The following BEND7 variants were observed in gnomAD, a reference collection of about 807,000 sequenced individuals.
BEND7 encodes the protein BEN domain-containing protein 7.
A neutral mutation model predicts 50.9 loss-of-function variants in BEND7; 28 were observed. That is an observed-to-expected ratio of 0.55 (90% CI 0.41 to 0.75). The LOEUF (loss-of-function observed/expected upper bound fraction) is 0.75. Ranked by LOEUF, BEND7 falls within the 30% of genes least tolerant of loss-of-function variation. The pLI, the probability that BEND7 is intolerant of heterozygous loss-of-function variation, is 0.00. For missense variants in BEND7, 477 were observed against 491.3 expected, an observed-to-expected ratio of 0.97 and a Z score of 0.28; for synonymous variants, 170 against 183.9, an observed-to-expected ratio of 0.92 and a Z score of 0.61.
intron 7 of BEND7, among the ~76,000 whole-genome samples, chr10:13,450,897 T>C (rs1403314942): frequency 6.6e-6 from 1 of 151,918 alleles, no homozygotes; most frequent in Non-Finnish European, 1.5e-5. Context: ...TTAGGGGATG[T>C]GTTCCCTGGC....
intron 7 of BEND7, among the ~76,000 whole-genome samples, chr10:13,449,158 T>C (rs963085184): frequency 3.3e-5 from 5 of 152,188 alleles, no homozygotes; most frequent in African/African-American, 1.2e-4. Flanking sequence ...TTTTGTTCTA[T>C]GGCTTTTAGA....
At chr10:13,508,537 A>G (rs987983831) in intron 2 of BEND7, among the ~76,000 whole-genome samples, 1 of 152,214 alleles carries the variant, frequency 6.6e-6, no homozygotes, top group African/African-American at 2.4e-5. Context: ...TGAATCAAAT[A>G]CCATGAAAAG....
At chr10:13,499,678 T>C (rs896707304) in intron 3 of BEND7, 100 bp downstream of exon 3, 20 of 1,326,802 alleles carry the variant, frequency 1.5e-5, no homozygotes, top group Admixed American at 2.5e-5. Flanking sequence ...CAGGTAATTA[T>C]GGGAGGGTTT....
chr10:13,447,241 G>A, intron 8 of BEND7, 25 bp downstream of exon 8: 1 of 1,613,028 alleles, frequency 6.2e-7, no homozygotes, highest in South Asian at 1.1e-5. Context: ...AGGAGGTGAT[G>A]AAAATGTAAA....
intron 8 of BEND7, chr10:13,446,204 A>C (rs1046561970): frequency 2.6e-5 from 4 of 152,162 alleles, no homozygotes; most frequent in African/African-American, 9.7e-5. Context: ...TTGCTTAGCT[A>C]CTCAGTGGCA....
intron 8 of BEND7, chr10:13,444,381 T>C (rs1390999221): frequency 2.0e-5 from 3 of 152,222 alleles, no homozygotes; most frequent in African/African-American, 7.2e-5. Flanking sequence ...CCTGTAACCC[T>C]ACCCTAGTCA....
chr10:13,514,130 C>T (rs1307695791), intron 2 of BEND7, among the ~76,000 whole-genome samples: 1 of 152,200 alleles, frequency 6.6e-6, no homozygotes, highest in African/African-American at 2.4e-5. Flanking sequence ...TTCCCCAGGC[C>T]TGGGAGGGCT....
At chr10:13,503,794 A>G (rs2077660358) in intron 2 of BEND7, among the ~76,000 whole-genome samples, 1 of 152,208 alleles carries the variant, frequency 6.6e-6, no homozygotes, top group Non-Finnish European at 1.5e-5. Flanking sequence ...CTGTGCTGAG[A>G]GGAGAGCTGA....
chr10:13,456,146 A>T (rs1838911895), intron 6 of BEND7, among the ~76,000 whole-genome samples: 1 of 152,106 alleles, frequency 6.6e-6, no homozygotes, highest in Non-Finnish European at 1.5e-5. Flanking sequence ...TCACCCCCCA[A>T]ATCTAGGAAG....
chr10:13,485,087 G>A (rs558454478), intron 5 of BEND7, among the ~76,000 whole-genome samples: 49 of 152,124 alleles, frequency 3.2e-4, no homozygotes, highest in African/African-American at 9.2e-4. Context: ...ATGAAGATGC[G>A]CCTTCCCCAC....
chr10:13,495,899 G>A (rs2076987151), intron 4 of BEND7, among the ~76,000 whole-genome samples: 1 of 152,176 alleles, frequency 6.6e-6, no homozygotes, highest in South Asian at 2.1e-4. Context: ...AGATCAAGTG[G>A]TGATGTCCCT....
chr10:13,475,444 A>C (rs552995599), intron 6 of BEND7, among the ~76,000 whole-genome samples: 1 of 152,320 alleles, frequency 6.6e-6, no homozygotes, highest in Admixed American at 6.5e-5. Flanking sequence ...GTTTACTCCC[A>C]AACTCTTTCC....
At chr10:13,514,620 G>A (rs1188126308) in intron 2 of BEND7, among the ~76,000 whole-genome samples, 3 of 152,168 alleles carry the variant, frequency 2.0e-5, no homozygotes, top group Non-Finnish European at 2.9e-5. Flanking sequence ...CTGCTCTACC[G>A]TGTGCCGGCA....
intron 2 of BEND7, among the ~76,000 whole-genome samples, chr10:13,521,630 G>A (rs572214798): frequency 4.6e-5 from 7 of 152,322 alleles, no homozygotes; most frequent in Non-Finnish European, 1.0e-4. Flanking sequence ...CTGGGATTTT[G>A]GGGTTCCACT....
chr10:13,493,328 C>A (rs1009692519), intron 4 of BEND7, among the ~76,000 whole-genome samples: 2 of 152,170 alleles, frequency 1.3e-5, no homozygotes, highest in African/African-American at 4.8e-5. Flanking sequence ...GGTGCCAAAA[C>A]TGATAAAGAT....
chr10:13,483,520 T>C (rs2076010734), intron 5 of BEND7, among the ~76,000 whole-genome samples: 1 of 152,212 alleles, frequency 6.6e-6, no homozygotes, highest in African/African-American at 2.4e-5. Flanking sequence ...CTGGTGTTGA[T>C]TCACAGATCT....
At chr10:13,453,336 A>G (rs1838210509) in intron 6 of BEND7, among the ~76,000 whole-genome samples, 1 of 152,104 alleles carries the variant, frequency 6.6e-6, no homozygotes, top group Non-Finnish European at 1.5e-5. Context: ...CACCTCACAC[A>G]CACTCCTGAG....
At chr10:13,480,638 A>G in intron 6 of BEND7, 5 of 984,678 alleles carry the variant, frequency 5.1e-6, no homozygotes, top group Non-Finnish European at 6.0e-6. Context: ...TCAAGAAAAA[A>G]CTTCTTTTTG....
chr10:13,461,650 T>C (rs1272483181), intron 6 of BEND7, among the ~76,000 whole-genome samples: 1 of 151,952 alleles, frequency 6.6e-6, no homozygotes, highest in East Asian at 1.9e-4. Flanking sequence ...GGAAAATCGC[T>C]TGAACCTGGG....
Sources: allele counts gnomAD v4.1 joint callset (sites outside exome capture counted in the v4.1 genomes callset), GRCh38; gene constraint gnomAD v4.1.1; transcripts MANE v1.5; gene names NCBI Gene and HGNC (gene_info 2026-07-23, HGNC 2026-07-21).